STAB2: variants seen among roughly 807,000 people sequenced by gnomAD.
The protein encoded by STAB2 is stabilin 2, also known as stabilin-2.
In STAB2, 288 loss-of-function variants were observed where a neutral mutation model predicts 338.1. The ratio of observed to expected loss-of-function variants is 0.85; its 90% CI spans 0.77 to 0.94. STAB2 has a LOEUF of 0.94. STAB2 is among the 40% of genes least tolerant of loss of function. STAB2 has a pLI of 0.00. For missense variants in STAB2, 3,141 were observed against 3,210.1 expected, an observed-to-expected ratio of 0.98 and a Z score of 0.52; for synonymous variants, 1,202 against 1,193.3, an observed-to-expected ratio of 1.01 and a Z score of -0.15.
chr12:103,629,662 G>A (rs1012269296), intron 5 of STAB2, among the ~76,000 whole-genome samples: 1 of 152,210 alleles, frequency 6.6e-6, no homozygotes, highest in African/African-American at 2.4e-5. Flanking sequence ...GAACGTGCAA[G>A]ATGCATTTCC....
chr12:103,753,079 C>T, intron 60 of STAB2, 141 bp from the exon 61 acceptor site: 1 of 922,014 alleles, frequency 1.1e-6, no homozygotes, highest in Non-Finnish European at 1.6e-6. Context: ...TGTACTTCAA[C>T]ATAACTTGAA....
rs34319571 is a variant in STAB2 at position 103,702,138 on chromosome 12, TAAAAAAA to T, written c.3715-999_3715-993del. Among the ~76,000 whole-genome samples the T allele has an allele frequency of 5.9e-4, 86 of 145,946 alleles. 1 individual carries two copies. Among genetic ancestry groups the T allele is most frequent in the African/African-American group, 2.2e-3 (86 of 39,676 alleles). On this transcript the variant is annotated intron_variant, in intron 34 of 68. Transcript: ENST00000388887. ...GATTACTCATTAAAGTGTTCTTCCC[TAAAAAAA>T]AAAAAAAAAATCAAAACAAATTGCA...
intron 7 of STAB2, 151 bp downstream of exon 7, chr12:103,637,387 A>G (rs1957565386): frequency 2.0e-6 from 2 of 979,730 alleles, no homozygotes; most frequent in Non-Finnish European, 2.9e-6. Flanking sequence ...TGCCAAGCAA[A>G]ATGCTCAATA....
At chr12:103,681,613 C>CTTTTTTTTTTT (rs907234037) in intron 25 of STAB2, among the ~76,000 whole-genome samples, 2 of 92,952 alleles carry the variant, frequency 2.2e-5, no homozygotes, top group Non-Finnish European at 4.3e-5. Context: ...TTCCCCCCTA[C>CTTTTTTTTTTT]TTTTTTTTTT....
chr12:103,754,189 C>T (rs1883915220), intron 61 of STAB2, among the ~76,000 whole-genome samples: 1 of 152,068 alleles, frequency 6.6e-6, no homozygotes, highest in Non-Finnish European at 1.5e-5. Flanking sequence ...AGGACCCAGA[C>T]TCAAGGAGAA....
intron 63 of STAB2, chr12:103,757,783 G>A (rs1284403622): frequency 4.4e-6 from 1 of 229,134 alleles, no homozygotes; most frequent in Non-Finnish European, 8.9e-6. Context: ...AGCTAGGCCT[G>A]GGGTCAGAGA....
At chr12:103,636,501 T>TA (rs1957550748) in intron 6 of STAB2, among the ~76,000 whole-genome samples, 1 of 151,906 alleles carries the variant, frequency 6.6e-6, no homozygotes, top group Admixed American at 6.6e-5. Flanking sequence ...TCACCTCCTA[T>TA]AATGAAACCC....
chr12:103,596,169 A>G (rs1956872942), intron 3 of STAB2, among the ~76,000 whole-genome samples: 1 of 152,224 alleles, frequency 6.6e-6, no homozygotes, highest in African/African-American at 2.4e-5. Flanking sequence ...TTTTGTGCCA[A>G]ATGTGGTCAT....
Position 103,683,281 on chromosome 12 carries a change from C to T in STAB2, c.2882C>T (p.Thr961Ile), listed in dbSNP as rs145145571. The change falls in exon 26 of 69, where the codon ACC (threonine) becomes ATC (isoleucine). Residue 961 changes from threonine to isoleucine, a missense_variant. Thr to Ile is a moderately conservative substitution (Grantham distance 89). Coordinates refer to ENST00000388887, the MANE Select transcript of STAB2 (RefSeq NM_017564.10). ...CEPITSCLEQ[T>I]GKCHPLASCQ... ...CCAATAACTTCATGCTTGGAACAAA[C>T]CGGGAAATGTCATCCATTGGTGAGT... The T allele has an allele frequency of 9.3e-6, 15 of 1,609,822 alleles. No individual in the cohort carries two copies. Among genetic ancestry groups the T allele is most frequent in the Admixed American group, 8.4e-5 (5 of 59,620 alleles).
intron 43 of STAB2, among the ~76,000 whole-genome samples, chr12:103,717,182 G>A (rs918952339): frequency 1.3e-5 from 2 of 152,196 alleles, no homozygotes; most frequent in East Asian, 1.9e-4. Flanking sequence ...CCCAGTGGCC[G>A]GGTGCTCCTG....
At chr12:103,690,610 C>A in intron 30 of STAB2, 72 bp downstream of exon 30, 1 of 1,356,976 alleles carries the variant, frequency 7.4e-7, no homozygotes, top group Non-Finnish European at 1.0e-6. Flanking sequence ...TTTAAATTTT[C>A]ATGTTATGGG....
rs755303952 is a variant in STAB2, at chr12:103,648,678, C to CCCT, written c.1041-10_1041-8dup. ...CTAAAACCCTGAGGATGTCTTTTCC[C>CCCT]CCTCTCTGTAGATGCATTTGCCAGA... On this transcript the variant is annotated splice_polypyrimidine_tract_variant and intron_variant, in intron 9 of 68. Coordinates refer to ENST00000388887, the MANE Select transcript of STAB2 (RefSeq NM_017564.10). 2 of 1,612,206 alleles carry CCCT rather than the reference C, an allele frequency of 1.2e-6. No homozygotes were observed. The highest frequency in any genetic ancestry group is 2.2e-5 in the South Asian group (2 of 90,642).
chr12:103,727,307 C>T lies in STAB2; in HGVS notation c.4892C>T (p.Thr1631Ile). Residue 1631 changes from threonine to isoleucine, a missense_variant, in exon 47 of 69, where the codon ACT (threonine) becomes ATT (isoleucine). Thr to Ile is a moderately conservative substitution (Grantham distance 89). Transcript: ENST00000388887. Reference sequence around the variant, plus strand: ...GATCTGGTCGGCCCAGGCCCCTTCACTGTTTTTGCACCTTTATCTGCAGCC... The same window carrying T: ...GATCTGGTCGGCCCAGGCCCCTTCATTGTTTTTGCACCTTTATCTGCAGCC... The part of the protein sequence containing the change: ...VKDLVGPGPF[T>I]VFAPLSAAFD... 6.2e-7 allele frequency: 1 copy of T among 1,614,268 alleles called. No individual in the cohort carries two copies. The highest frequency in any genetic ancestry group is 1.1e-5 in the South Asian group (1 of 91,090).
At position 103,673,510 on chromosome 12, in the gene STAB2, G is replaced by A. The variant is rs904697612; in HGVS notation, c.2372-397G>A. Reference sequence around the variant, plus strand: ...ACCACAAGCACACACCATCATGCCCGGCTAATTTTTGTGTTTTTTGTAGAG... The same window carrying A: ...ACCACAAGCACACACCATCATGCCCAGCTAATTTTTGTGTTTTTTGTAGAG... On this transcript the variant is annotated intron_variant, in intron 22 of 68. Transcript: ENST00000388887. Among the ~76,000 whole-genome samples the A allele has an allele frequency of 4.6e-5, 7 of 151,938 alleles. No homozygotes were observed. The East Asian group carries it at 7.7e-4, about 17-fold the overall frequency.
rs1425170286 is a variant in STAB2, at chr12:103,753,259, G to A, written c.6620G>A (p.Gly2207Asp). Residue 2207 changes from glycine to aspartate, a missense_variant, in exon 61 of 69, where the codon GGC becomes GAC. Physicochemically the swap from Gly to Asp is moderately conservative, Grantham distance 94. Coordinates refer to ENST00000388887, the MANE Select transcript of STAB2 (RefSeq NM_017564.10). Reference sequence around the variant, plus strand: ...GTGTTCCATCTACGCTCCCCACTGGGCCAGTATAAGCTGACCTTTGACAAA... The same window carrying A: ...GTGTTCCATCTACGCTCCCCACTGGACCAGTATAAGCTGACCTTTGACAAA... ...VGVFHLRSPL[G>D]QYKLTFDKAR... is the part of the protein sequence containing the mutation. 1.2e-6 allele frequency: 2 copies of A among 1,614,208 alleles called. No homozygotes were observed. Among genetic ancestry groups the A allele is most frequent in the Non-Finnish European group, 1.7e-6 (2 of 1,180,032 alleles).
chr12:103,711,171 C>CCAT, intron 39 of STAB2: 3 of 413,824 alleles, frequency 7.2e-6, no homozygotes, highest in Middle Eastern at 6.4e-4. Context: ...AACACCCAGA[C>CCAT]CATAAGAGCA....
intron 44 of STAB2, among the ~76,000 whole-genome samples, chr12:103,718,575 A>G (rs559211852): frequency 2.0e-5 from 3 of 152,246 alleles, no homozygotes; most frequent in Admixed American, 6.5e-5. Context: ...CACAAAACAG[A>G]AGGGTTGTTC....
rs776638053 is a variant in STAB2 at position 103,759,120 on chromosome 12, C to G, written c.7108-13C>G. On this transcript the variant is annotated splice_polypyrimidine_tract_variant and intron_variant, in intron 64 of 68. Coordinates refer to ENST00000388887, the MANE Select transcript of STAB2 (RefSeq NM_017564.10). ...CCTTTGAAGAGCATTCTGTGTTTCT[C>G]CTTTTTTCTCAGACCTTGTCTGGGC... The G allele has an allele frequency of 1.8e-5, 29 of 1,614,144 alleles. No individual in the cohort carries two copies. Among genetic ancestry groups the G allele is most frequent in the Middle Eastern group, 3.3e-4 (2 of 6,062 alleles).
At chr12:103,716,392 G>T (rs913997353) in intron 43 of STAB2, among the ~76,000 whole-genome samples, 4 of 152,192 alleles carry the variant, frequency 2.6e-5, no homozygotes, top group Non-Finnish European at 4.4e-5. Context: ...GGGTCACAGG[G>T]TGGAAAGATA....
Sources: gnomAD v4.1 joint callset for allele counts (sites outside exome capture counted in the v4.1 genomes callset) on GRCh38, gnomAD v4.1.1 for gene constraint, MANE v1.5 for transcripts, NCBI Gene and HGNC (gene_info 2026-07-23, HGNC 2026-07-21) for gene names.